Variants in PICALM observed in about 807,000 individuals in gnomAD.
PICALM encodes phosphatidylinositol binding clathrin assembly protein.
Under a neutral mutation model 80.5 loss-of-function variants are expected in PICALM, and 40 were observed. The ratio of observed to expected loss-of-function variants is 0.50; its 90% CI spans 0.39 to 0.65. PICALM has a LOEUF of 0.65. Among genes scored for constraint, PICALM ranks in the 30% least tolerant of loss-of-function variants. The pLI, the probability that PICALM is intolerant of heterozygous loss-of-function variation, is 0.00. For missense variants in PICALM, 676 were observed against 778.9 expected (o/e 0.87, Z 1.57); for synonymous variants, 288 against 260.3 (o/e 1.11, Z -1.02).
chr11:85,970,711 G>A (rs1329746694), intron 19 of PICALM, among the ~76,000 whole-genome samples: 4 of 152,164 alleles, frequency 2.6e-5, no homozygotes, highest in African/African-American at 9.7e-5. Context: ...GGGAGGCTGA[G>A]GCAGGAGGTT....
At position 86,019,132 on chromosome 11, in the gene PICALM, T is replaced by TA. The variant is rs563643669; in HGVS notation, c.452+3234dup. On this transcript the variant is annotated intron_variant, in intron 4 of 19. Transcript: ENST00000393346. ...TTAAATTTTATTACTTTTGTAAACA[T>TA]AAAAAAAAATCTTAATAAATCAAAC... Among the ~76,000 whole-genome samples the TA allele has an allele frequency of 2.8e-3, 419 of 151,708 alleles. 3 individuals are homozygous for TA. The highest frequency in any genetic ancestry group is 9.4e-3 in the South Asian group (45 of 4,804).
At chr11:85,962,626 G>C (rs991955103) in intron 19 of PICALM, among the ~76,000 whole-genome samples, 1 of 152,202 alleles carries the variant, frequency 6.6e-6, no homozygotes, top group African/African-American at 2.4e-5. Context: ...TTGAGAAAAA[G>C]AGCTGGTTTT....
In PICALM at chr11:86,048,729, G is replaced by C. The variant is rs927072812; in HGVS notation, c.131-17118C>G. 2.0e-5 allele frequency among the ~76,000 whole-genome samples: 3 copies of C among 151,814 alleles called. No individual in the cohort carries two copies. The South Asian group carries it at 6.3e-4, about 32-fold the overall frequency. ...TGCCTGTAATCTCAGCTACTCGGGAGGCTGAGGCAGGAGAATCGCTTGAAC... is the reference window on the plus strand; with the variant it reads ...TGCCTGTAATCTCAGCTACTCGGGACGCTGAGGCAGGAGAATCGCTTGAAC... On this transcript the variant is annotated intron_variant, in intron 1 of 19. Transcript: ENST00000393346.
At chr11:86,055,323 G>A (rs190236846) in intron 1 of PICALM, among the ~76,000 whole-genome samples, 58 of 142,684 alleles carry the variant, frequency 4.1e-4, no homozygotes, top group African/African-American at 1.3e-3. Context: ...GCAAAACTCC[G>A]TCTCAAAAAA....
chr11:85,977,359 T>A (rs2094315358), intron 17 of PICALM, among the ~76,000 whole-genome samples: 1 of 152,230 alleles, frequency 6.6e-6, no homozygotes. Flanking sequence ...CACTATGATG[T>A]TTAAGTTCCC....
intron 13 of PICALM, among the ~76,000 whole-genome samples, chr11:85,986,784 A>T (rs1653313457): frequency 6.6e-6 from 1 of 152,200 alleles, no homozygotes; most frequent in African/African-American, 2.4e-5. Flanking sequence ...ATACACACAC[A>T]CACATACACG....
intron 1 of PICALM, among the ~76,000 whole-genome samples, chr11:86,040,002 T>C (rs1483478418): frequency 9.4e-5 from 6 of 63,972 alleles, no homozygotes; most frequent in Non-Finnish European, 3.2e-5. Context: ...TGACGCCGTC[T>C]CAAAAAAAAA....
At chr11:85,967,965 G>C (rs2093960495) in intron 19 of PICALM, among the ~76,000 whole-genome samples, 2 of 152,012 alleles carry the variant, frequency 1.3e-5, no homozygotes, top group Admixed American at 6.6e-5. Context: ...CAGCCATTTT[G>C]CATCTTTAAC....
intron 1 of PICALM, among the ~76,000 whole-genome samples, chr11:86,063,791 A>G (rs377543827): frequency 6.6e-6 from 1 of 152,156 alleles, no homozygotes; most frequent in East Asian, 1.9e-4. Flanking sequence ...GAAAATATAA[A>G]TCATATGACT....
At chr11:86,015,581 A>C (rs950532843) in intron 4 of PICALM, among the ~76,000 whole-genome samples, 1 of 152,246 alleles carries the variant, frequency 6.6e-6, no homozygotes, top group Admixed American at 6.5e-5. Flanking sequence ...AGTCTGTTAA[A>C]TATTTCCAAA....
chr11:86,056,591 T>C (rs577660707), intron 1 of PICALM, among the ~76,000 whole-genome samples: 4 of 152,134 alleles, frequency 2.6e-5, no homozygotes, highest in Admixed American at 2.6e-4. Flanking sequence ...TAAAACAGTG[T>C]CACTGATGTG....
chr11:86,005,546 A>T lies in PICALM; in HGVS notation c.807+1996T>A, dbSNP rs1427832053. 2.6e-5 allele frequency among the ~76,000 whole-genome samples: 4 copies of T among 152,098 alleles called. No homozygotes were observed. The East Asian group carries it at 7.7e-4, about 29-fold the overall frequency. ...TAGGGAGACCCTGTCTCCACAAAAAAATAAAAAAATTAGTTGGGTGTGGTG... is the reference window on the plus strand; with the variant it reads ...TAGGGAGACCCTGTCTCCACAAAAATATAAAAAAATTAGTTGGGTGTGGTG... On this transcript the variant is annotated intron_variant, in intron 8 of 19. Transcript: ENST00000393346.
chr11:86,044,466 T>C (rs1035273051), intron 1 of PICALM, among the ~76,000 whole-genome samples: 5 of 152,234 alleles, frequency 3.3e-5, no homozygotes, highest in Non-Finnish European at 7.3e-5. Flanking sequence ...GCAAAGCCTC[T>C]AGTTTTACGT....
chr11:86,045,593 A>G (rs2096060301), intron 1 of PICALM, among the ~76,000 whole-genome samples: 1 of 151,576 alleles, frequency 6.6e-6, no homozygotes, highest in Non-Finnish European at 1.5e-5. Flanking sequence ...TCAGCACTAA[A>G]AAGTCTGACA....
intron 4 of PICALM, among the ~76,000 whole-genome samples, chr11:86,016,872 T>C (rs1592953355): frequency 6.6e-6 from 1 of 152,122 alleles, no homozygotes; most frequent in Non-Finnish European, 1.5e-5. Flanking sequence ...GAACAGAAAA[T>C]AACAAAAAGC....
intron 4 of PICALM, among the ~76,000 whole-genome samples, chr11:86,015,324 A>G (rs1408060834): frequency 6.6e-6 from 1 of 152,188 alleles, no homozygotes; most frequent in Non-Finnish European, 1.5e-5. Flanking sequence ...ATTTTTTAAA[A>G]TTACAAATAA....
At chr11:85,986,840 G>A (rs1443668152) in intron 13 of PICALM, among the ~76,000 whole-genome samples, 1 of 152,168 alleles carries the variant, frequency 6.6e-6, no homozygotes, top group Admixed American at 6.5e-5. Flanking sequence ...CTGAGTTAAG[G>A]TTAACTTTAT....
chr11:86,001,002 A>C (rs79797995), intron 10 of PICALM, 33 bp downstream of exon 10: 1 of 1,612,042 alleles, frequency 6.2e-7, no homozygotes, highest in Non-Finnish European at 8.5e-7. Flanking sequence ...ACCTGTACTC[A>C]TTTTTCGAAA....
At chr11:86,015,078 A>G (rs906215125) in intron 4 of PICALM, 115 bp from the exon 5 acceptor site, 11 of 641,158 alleles carry the variant, frequency 1.7e-5, no homozygotes, top group Middle Eastern at 2.5e-4. Context: ...GAAATGTCAC[A>G]TATTTTTAAG....
Sources: allele counts gnomAD v4.1 joint callset (sites outside exome capture counted in the v4.1 genomes callset), GRCh38; gene constraint gnomAD v4.1.1; transcripts MANE v1.5; gene names NCBI Gene and HGNC (gene_info 2026-07-23, HGNC 2026-07-21).